The following NMNAT3 variants were observed in gnomAD, a reference collection of about 807,000 sequenced individuals.
The protein encoded by NMNAT3 is nicotinamide nucleotide adenylyltransferase 3.
Under a neutral mutation model 24.8 loss-of-function variants are expected in NMNAT3, and 21 were observed. The ratio of observed to expected loss-of-function variants is 0.85; its 90% CI spans 0.60 to 1.22. NMNAT3 has a LOEUF of 1.22. Among genes scored for constraint, NMNAT3 ranks in the 50% most tolerant of loss-of-function variants. The probability of loss-of-function intolerance (pLI) is 0.00; values close to 1 mark genes in which losing one functional copy is unlikely to be tolerated. For synonymous variants in NMNAT3, 136 were observed against 155.2 expected (o/e 0.88, Z 0.92); for missense variants, 387 against 436.6 (o/e 0.89, Z 1.01).
At chr3:139,668,473 C>T (rs906134339) in intron 1 of NMNAT3, among the ~76,000 whole-genome samples, 1 of 152,184 alleles carries the variant, frequency 6.6e-6, no homozygotes, top group Non-Finnish European at 1.5e-5. Flanking sequence ...AATCAAAATG[C>T]ACATGATAGA....
At chr3:139,673,451 T>G (rs189493809) in intron 1 of NMNAT3, among the ~76,000 whole-genome samples, 1 of 152,272 alleles carries the variant, frequency 6.6e-6, no homozygotes, top group East Asian at 1.9e-4. Flanking sequence ...TTACCAGGAT[T>G]TATAGAAAAA....
chr3:139,572,448 C>G (rs181536626), intron 6 of NMNAT3, among the ~76,000 whole-genome samples: 1 of 152,136 alleles, frequency 6.6e-6, no homozygotes, highest in African/African-American at 2.4e-5. Context: ...CACAGCCCCC[C>G]AGACTGGCTG....
chr3:139,642,826 C>T (rs184994105), intron 1 of NMNAT3, among the ~76,000 whole-genome samples: 92 of 152,224 alleles, frequency 6.0e-4, no homozygotes, highest in African/African-American at 2.0e-3. Flanking sequence ...CTGCTTCCCT[C>T]CTGTAATTTA....
intron 3 of NMNAT3, among the ~76,000 whole-genome samples, chr3:139,616,926 C>A (rs2055534674): frequency 6.6e-6 from 1 of 152,208 alleles, no homozygotes; most frequent in South Asian, 2.1e-4. Context: ...GCAACATGTC[C>A]TTTTGCTCTG....
chr3:139,629,339 G>A (rs2056192311), intron 2 of NMNAT3, among the ~76,000 whole-genome samples: 1 of 152,150 alleles, frequency 6.6e-6, no homozygotes, highest in South Asian at 2.1e-4. Context: ...CCCCAGTCAA[G>A]TTTTCAGATG....
At position 139,567,067 on chromosome 3, in the gene NMNAT3, G is replaced by A. The variant is rs1275616064; in HGVS notation, c.659-5675C>T. 3 of 152,002 alleles carry A rather than the reference G, an allele frequency of 2.0e-5. No individual in the cohort carries two copies. The South Asian group carries it at 6.3e-4, about 32-fold the overall frequency. The allele number at this position is 152,002 out of a possible 1,614,324, so 9.4% of individuals were successfully genotyped here. ...GCAGTGGTTTGTAGTTCTCCTTGAAGAGGTCCTTCACATCCCTTGTAAGTT... is the reference window on the plus strand; with the variant it reads ...GCAGTGGTTTGTAGTTCTCCTTGAAAAGGTCCTTCACATCCCTTGTAAGTT... On this transcript the variant is annotated intron_variant, in intron 6 of 6. Coordinates refer to ENST00000643695, the MANE Select transcript of NMNAT3 (RefSeq NM_001320510.2).
intron 1 of NMNAT3, among the ~76,000 whole-genome samples, chr3:139,672,429 C>T (rs941474620): frequency 1.3e-5 from 2 of 152,188 alleles, no homozygotes; most frequent in Non-Finnish European, 2.9e-5. Context: ...CACCACTTAA[C>T]ATGTACTTTC....
chr3:139,612,579 T>C (rs1488241169), intron 3 of NMNAT3, among the ~76,000 whole-genome samples: 1 of 152,114 alleles, frequency 6.6e-6, no homozygotes, highest in Non-Finnish European at 1.5e-5. Context: ...TCTGGTGAAG[T>C]GGGCCTGAAT....
intron 1 of NMNAT3, among the ~76,000 whole-genome samples, chr3:139,654,627 T>C (rs1276704233): frequency 6.6e-6 from 1 of 152,184 alleles, no homozygotes; most frequent in Non-Finnish European, 1.5e-5. Flanking sequence ...CAGGACTAAC[T>C]CATGATCCAA....
chr3:139,658,472 G>C lies in NMNAT3; in HGVS notation c.-141+19233C>G, dbSNP rs112548441. On this transcript the variant is annotated intron_variant, in intron 1 of 6. Transcript: ENST00000643695. ...AAAAACTCAAAAGTGCAGACATGCA[G>C]ATGAAGTACTTGTTTGTTTTGAATG... Among the ~76,000 whole-genome samples the C allele has an allele frequency of 9.6e-4, 146 of 152,322 alleles. 1 individual carries two copies. The highest frequency in any genetic ancestry group is 2.7e-3 in the Admixed American group (42 of 15,302).
At chr3:139,614,963 TA>T (rs2055416849) in intron 3 of NMNAT3, among the ~76,000 whole-genome samples, 1 of 152,262 alleles carries the variant, frequency 6.6e-6, no homozygotes, top group Non-Finnish European at 1.5e-5. Context: ...CATTCTACTG[TA>T]AGAAAGAGCC....
At chr3:139,605,748 T>C (rs2054913737) in intron 3 of NMNAT3, among the ~76,000 whole-genome samples, 1 of 152,180 alleles carries the variant, frequency 6.6e-6, no homozygotes, top group South Asian at 2.1e-4. Context: ...TGCTTGTTTT[T>C]ACCATACTAC....
At chr3:139,579,131 C>G in intron 4 of NMNAT3, 76 bp from the exon 5 acceptor site, 1 of 1,233,920 alleles carries the variant, frequency 8.1e-7, no homozygotes, top group Non-Finnish European at 1.2e-6. Context: ...CAGGCAGGTG[C>G]TAAATGTCTC....
intron 3 of NMNAT3, among the ~76,000 whole-genome samples, chr3:139,585,857 C>T (rs549233114): frequency 2.0e-5 from 3 of 152,326 alleles, no homozygotes; most frequent in Non-Finnish European, 4.4e-5. Flanking sequence ...TTTACCTTAC[C>T]CCGGAGGGTA....
At chr3:139,611,780 G>T (rs2055227379) in intron 3 of NMNAT3, among the ~76,000 whole-genome samples, 1 of 152,198 alleles carries the variant, frequency 6.6e-6, no homozygotes. Context: ...ACAGAGATTT[G>T]GCTGACAGCA....
intron 6 of NMNAT3, among the ~76,000 whole-genome samples, chr3:139,564,179 G>T (rs1936835863): frequency 6.6e-6 from 1 of 152,308 alleles, no homozygotes; most frequent in Non-Finnish European, 1.5e-5. Flanking sequence ...TGGAAGTTAT[G>T]GGAATTGAGT....
intron 4 of NMNAT3, among the ~76,000 whole-genome samples, chr3:139,581,140 A>C (rs983143106): frequency 1.3e-5 from 2 of 152,196 alleles, no homozygotes; most frequent in Non-Finnish European, 2.9e-5. Flanking sequence ...TCTTCACAAA[A>C]GTCTAAGTCA....
intron 1 of NMNAT3, among the ~76,000 whole-genome samples, chr3:139,669,354 A>G (rs930886262): frequency 6.6e-6 from 1 of 151,928 alleles, no homozygotes; most frequent in Non-Finnish European, 1.5e-5. Context: ...GCATGCCTGT[A>G]GTCCCAGCTA....
intron 5 of NMNAT3, among the ~76,000 whole-genome samples, chr3:139,577,389 G>T (rs1424936678): frequency 6.6e-6 from 1 of 152,110 alleles, no homozygotes; most frequent in East Asian, 1.9e-4. Flanking sequence ...TAGTGAAGTG[G>T]GTGATGTCAT....
Sources: gnomAD v4.1 joint callset for allele counts (sites outside exome capture counted in the v4.1 genomes callset) on GRCh38, gnomAD v4.1.1 for gene constraint, MANE v1.5 for transcripts, NCBI Gene and HGNC (gene_info 2026-07-23, HGNC 2026-07-21) for gene names.